WWTR1: variants seen among roughly 807,000 people sequenced by gnomAD.
WWTR1 encodes WW domain containing transcription regulator 1.
Under a neutral mutation model 40.1 loss-of-function variants are expected in WWTR1, and 13 were observed. That is an observed-to-expected ratio of 0.32 (90% CI 0.21 to 0.52). The LOEUF (loss-of-function observed/expected upper bound fraction) is 0.52, where lower values mean the gene tolerates loss of function less well. WWTR1 is among the 20% of genes least tolerant of loss of function. The pLI, the probability that WWTR1 is intolerant of heterozygous loss-of-function variation, is 0.97. For synonymous variants in WWTR1, 230 were observed against 210.1 expected, an observed-to-expected ratio of 1.09 and a Z score of -0.82; for missense variants, 436 against 523.1, an observed-to-expected ratio of 0.83 and a Z score of 1.63.
intron 1 of WWTR1, among the ~76,000 whole-genome samples, chr3:149,680,781 G>T (rs1037172847): frequency 2.6e-5 from 4 of 152,172 alleles, no homozygotes; most frequent in Non-Finnish European, 5.9e-5. Flanking sequence ...GTTTGGGGCT[G>T]CAGTGAGCTA....
At chr3:149,602,372 G>A (rs184871162) in intron 2 of WWTR1, among the ~76,000 whole-genome samples, 3 of 152,354 alleles carry the variant, frequency 2.0e-5, no homozygotes, top group Admixed American at 6.5e-5. Flanking sequence ...GCAAAGCTAT[G>A]TGAACAAAGG....
intron 4 of WWTR1, among the ~76,000 whole-genome samples, chr3:149,721,361 A>T (rs1190031425): frequency 6.6e-6 from 1 of 152,222 alleles, no homozygotes; most frequent in African/African-American, 2.4e-5. Context: ...TGGGATGATC[A>T]TGTGGCTTTC....
intron 1 of WWTR1, among the ~76,000 whole-genome samples, chr3:149,699,353 G>A (rs1205981010): frequency 1.3e-5 from 2 of 150,946 alleles, no homozygotes; most frequent in Non-Finnish European, 2.9e-5. Flanking sequence ...GAGTGCAATG[G>A]TGTGATCTTG....
At chr3:149,677,426 C>G (rs1352351849) in intron 1 of WWTR1, among the ~76,000 whole-genome samples, 1 of 152,200 alleles carries the variant, frequency 6.6e-6, no homozygotes, top group Admixed American at 6.5e-5. Context: ...GTGTCTTGGT[C>G]AAACTCATCC....
At chr3:149,529,992 T>G (rs1448345225) in intron 4 of WWTR1, among the ~76,000 whole-genome samples, 7 of 152,202 alleles carry the variant, frequency 4.6e-5, no homozygotes, top group Non-Finnish European at 1.0e-4. Context: ...ACTTTTAATT[T>G]AAAAGTTGAT....
chr3:149,545,303 C>A lies in WWTR1; in HGVS notation c.569-2766G>T, dbSNP rs557256278. 2.0e-5 allele frequency among the ~76,000 whole-genome samples: 3 copies of A among 152,204 alleles called. No individual in the cohort carries two copies. The South Asian group carries it at 6.2e-4, about 32-fold the overall frequency. On this transcript the variant is annotated intron_variant, in intron 3 of 6. Coordinates refer to ENST00000360632, the MANE Select transcript of WWTR1 (RefSeq NM_015472.6). ...TTAATTCATGAAACCTATTTCAAGC[C>A]AGGGAAGAGAGGCGCAGATGGAAGA...
intron 2 of WWTR1, among the ~76,000 whole-genome samples, chr3:149,585,242 TTTGCCTCA>T (rs1386562639): frequency 1.3e-5 from 2 of 151,958 alleles, no homozygotes; most frequent in Non-Finnish European, 2.9e-5. Flanking sequence ...AAGTGATTCT[TTTGCCTCA>T]GTCTCCTGAG....
At chr3:149,689,082 T>C (rs1490289198) in intron 1 of WWTR1, among the ~76,000 whole-genome samples, 1 of 152,044 alleles carries the variant, frequency 6.6e-6, no homozygotes, top group Non-Finnish European at 1.5e-5. Flanking sequence ...AGACAGGCTA[T>C]TTGAAAATAC....
intron 3 of WWTR1, among the ~76,000 whole-genome samples, chr3:149,561,334 A>AG (rs1251807737): frequency 2.0e-5 from 3 of 152,160 alleles, no homozygotes; most frequent in Non-Finnish European, 2.9e-5. Context: ...GTTAAAAAAA[A>AG]AGAACATACT....
chr3:149,593,906 G>C (rs1738850736), intron 2 of WWTR1, among the ~76,000 whole-genome samples: 1 of 152,028 alleles, frequency 6.6e-6, no homozygotes. Context: ...CCTTTTTCAG[G>C]GAAAGAGAAG....
chr3:149,556,133 G>C (rs1736817279), intron 3 of WWTR1, among the ~76,000 whole-genome samples: 1 of 152,262 alleles, frequency 6.6e-6, no homozygotes. Flanking sequence ...GGTGAGCACT[G>C]TGGTTGGCCT....
chr3:149,545,740 C>T (rs1736334303), intron 3 of WWTR1, among the ~76,000 whole-genome samples: 1 of 152,196 alleles, frequency 6.6e-6, no homozygotes, highest in Non-Finnish European at 1.5e-5. Context: ...AGGCTGGTCT[C>T]CAACTCCTGG....
chr3:149,612,394 A>G (rs1332019524), intron 2 of WWTR1, among the ~76,000 whole-genome samples: 1 of 151,782 alleles, frequency 6.6e-6, no homozygotes, highest in Non-Finnish European at 1.5e-5. Context: ...AAAAAACTCC[A>G]CCTACCAGTA....
At chr3:149,590,094 T>C (rs1738623731) in intron 2 of WWTR1, among the ~76,000 whole-genome samples, 1 of 152,144 alleles carries the variant, frequency 6.6e-6, no homozygotes, top group African/African-American at 2.4e-5. Context: ...GTCCTGAAAG[T>C]CCACCATATC....
intron 2 of WWTR1, among the ~76,000 whole-genome samples, chr3:149,635,375 C>T (rs993001688): frequency 5.3e-5 from 8 of 152,074 alleles, no homozygotes; most frequent in South Asian, 2.1e-4. Context: ...ACTAGGAAAA[C>T]GGGTAAATAA....
At chr3:149,704,679 C>A (rs1318145017), upstream of WWTR1, among the ~76,000 whole-genome samples, 1 of 151,962 alleles carries the variant, frequency 6.6e-6, no homozygotes, top group Admixed American at 6.6e-5. Flanking sequence ...AAGGACATCC[C>A]CCTCCCATAG....
intron 2 of WWTR1, among the ~76,000 whole-genome samples, chr3:149,580,910 C>G (rs1034154389): frequency 6.6e-6 from 1 of 152,140 alleles, no homozygotes; most frequent in African/African-American, 2.4e-5. Context: ...CCGCGCCTGG[C>G]GACAATATTA....
intron 1 of WWTR1, among the ~76,000 whole-genome samples, chr3:149,691,013 T>C (rs1714807549): frequency 6.6e-6 from 1 of 152,058 alleles, no homozygotes; most frequent in Non-Finnish European, 1.5e-5. Context: ...AATGAAGAAA[T>C]CAAGAAACAA....
intron 2 of WWTR1, among the ~76,000 whole-genome samples, chr3:149,581,189 A>G (rs1450602750): frequency 6.6e-6 from 1 of 152,174 alleles, no homozygotes; most frequent in African/African-American, 2.4e-5. Context: ...ATTGGTTATA[A>G]TGATTCTTCC....
Sources: gnomAD v4.1 joint callset for allele counts (sites outside exome capture counted in the v4.1 genomes callset) on GRCh38, gnomAD v4.1.1 for gene constraint, MANE v1.5 for transcripts, NCBI Gene and HGNC (gene_info 2026-07-23, HGNC 2026-07-21) for gene names.